Variants in HECW1 observed in about 807,000 individuals in gnomAD.
HECW1 encodes HECT, C2 and WW domain containing E3 ubiquitin protein ligase 1, also known as E3 ubiquitin-protein ligase HECW1.
In HECW1, 61 loss-of-function variants were observed where a neutral mutation model predicts 182.3. The ratio of observed to expected loss-of-function variants is 0.33; its 90% CI spans 0.27 to 0.41. HECW1 has a LOEUF of 0.41. Ranked by LOEUF, HECW1 falls within the 10% of genes least tolerant of loss-of-function variation. The pLI is 1.00. For synonymous variants in HECW1, 859 were observed against 832.6 expected (o/e 1.03, Z -0.55); for missense variants, 1,739 against 2,108.9 (o/e 0.82, Z 3.44).
chr7:43,285,502 G>A (rs934527542), intron 3 of HECW1, among the ~76,000 whole-genome samples: 6 of 152,156 alleles, frequency 3.9e-5, no homozygotes, highest in East Asian at 1.9e-4. Context: ...AGTCGGGAAT[G>A]AGCCCACCCA....
At chr7:43,356,581 C>T (rs1260232469) in intron 5 of HECW1, among the ~76,000 whole-genome samples, 1 of 152,186 alleles carries the variant, frequency 6.6e-6, no homozygotes, top group Admixed American at 6.5e-5. Context: ...TCAACTGCTG[C>T]AGAATACACA....
chr7:43,487,177 A>G (rs889602575), intron 17 of HECW1, among the ~76,000 whole-genome samples: 7 of 152,160 alleles, frequency 4.6e-5, no homozygotes, highest in Admixed American at 2.0e-4. Flanking sequence ...TTGCAGAGAG[A>G]GGGTTAGCTG....
intron 5 of HECW1, among the ~76,000 whole-genome samples, chr7:43,347,222 A>G (rs941405762): frequency 2.6e-5 from 4 of 151,820 alleles, no homozygotes; most frequent in Non-Finnish European, 5.9e-5. Context: ...TTGGTTAGGT[A>G]TATTCCTAAG....
intron 8 of HECW1, among the ~76,000 whole-genome samples, chr7:43,433,217 C>T (rs1041298566): frequency 3.9e-5 from 6 of 152,202 alleles, no homozygotes; most frequent in African/African-American, 1.4e-4. Flanking sequence ...CTTTACAGAT[C>T]ATTGGACTAA....
intron 5 of HECW1, among the ~76,000 whole-genome samples, chr7:43,354,119 T>A (rs1584595332): frequency 6.8e-6 from 1 of 147,646 alleles, no homozygotes. Context: ...TTATTTATAG[T>A]AGGGGAAAAA....
At chr7:43,516,614 A>G (rs1291264073) in intron 24 of HECW1, among the ~76,000 whole-genome samples, 1 of 152,184 alleles carries the variant, frequency 6.6e-6, no homozygotes, top group Non-Finnish European at 1.5e-5. Context: ...GAAATAGGTG[A>G]GTTCCTTCTC....
chr7:43,150,567 T>A (rs1366650186), intron 2 of HECW1, among the ~76,000 whole-genome samples: 8 of 152,132 alleles, frequency 5.3e-5, no homozygotes. Flanking sequence ...TCAGTAAAGA[T>A]GGGGTTTCAC....
intron 17 of HECW1, among the ~76,000 whole-genome samples, chr7:43,481,838 TAGTC>T (rs2078445738): frequency 6.6e-6 from 1 of 151,632 alleles, no homozygotes; most frequent in South Asian, 2.1e-4. Context: ...TACAAAAAAT[TAGTC>T]AGGCATGGTG....
intron 5 of HECW1, among the ~76,000 whole-genome samples, chr7:43,324,435 T>A (rs1810532078): frequency 6.6e-6 from 1 of 152,256 alleles, no homozygotes. Context: ...TTACATGTTA[T>A]GTGAAATAAT....
chr7:43,367,946 T>C (rs1022119656), intron 6 of HECW1, among the ~76,000 whole-genome samples: 4 of 152,204 alleles, frequency 2.6e-5, no homozygotes, highest in African/African-American at 9.6e-5. Flanking sequence ...TTCCACTTCC[T>C]CAGCCCTTCT....
intron 2 of HECW1, among the ~76,000 whole-genome samples, chr7:43,137,706 C>T (rs897741333): frequency 2.6e-5 from 4 of 151,912 alleles, no homozygotes; most frequent in South Asian, 2.1e-4. Context: ...TGTGCCACCA[C>T]GCCCAGCTAA....
rs115420013 is a variant in HECW1 at position 43,561,593 on chromosome 7, T to G, written c.4710-222T>G. On this transcript the variant is annotated intron_variant, in intron 29 of 29. Transcript: ENST00000395891. ...GTCATTCTAGTGTAGTTGGTTTGCT[T>G]GCAAATGCAAACAACCCATTTTTAG... Among the ~76,000 whole-genome samples, 820 of 152,400 alleles carry G rather than the reference T, an allele frequency of 5.4e-3. 7 individuals carry two copies. The highest frequency in any genetic ancestry group is 0.019 in the African/African-American group (785 of 41,600).
At chr7:43,435,095 A>G (rs920447111) in intron 8 of HECW1, among the ~76,000 whole-genome samples, 1 of 151,566 alleles carries the variant, frequency 6.6e-6, no homozygotes, top group Non-Finnish European at 1.5e-5. Context: ...ACACTGCAAA[A>G]CAAGCATTTC....
At chr7:43,156,160 A>C (rs921432453) in intron 2 of HECW1, among the ~76,000 whole-genome samples, 50 of 152,262 alleles carry the variant, frequency 3.3e-4, no homozygotes, top group African/African-American at 1.1e-3. Context: ...AAAGGAAAAC[A>C]AGACAAATAT....
chr7:43,445,368 C>G lies in HECW1; in HGVS notation c.2196C>G (p.Val732=), dbSNP rs781310672. The change falls in exon 11 of 30, where the codon GTC becomes GTG. Residue 732 remains valine (V), a synonymous_variant. Coordinates refer to ENST00000395891, the MANE Select transcript of HECW1 (RefSeq NM_015052.5). ...VDSAKISEST[V]FSSQDDEEEE... ...GCGCCAAGATCTCCGAGAGCACGGTCTTCTCCTCGCAAGACGACGAGGAGG... is the reference window on the plus strand; with the variant it reads ...GCGCCAAGATCTCCGAGAGCACGGTGTTCTCCTCGCAAGACGACGAGGAGG... The G allele has an allele frequency of 6.2e-7, 1 of 1,613,794 alleles. No homozygotes were observed.
chr7:43,253,047 AT>A (rs770443319), intron 3 of HECW1, among the ~76,000 whole-genome samples: 65 of 151,994 alleles, frequency 4.3e-4, no homozygotes, highest in Non-Finnish European at 7.5e-4. Flanking sequence ...CAGTAAAATC[AT>A]CTGTGGAGCT....
intron 2 of HECW1, among the ~76,000 whole-genome samples, chr7:43,177,138 AAC>A (rs1341310259): frequency 1.3e-5 from 2 of 152,162 alleles, no homozygotes; most frequent in Non-Finnish European, 2.9e-5. Context: ...TATGGCATTC[AAC>A]ATATTTGGAA....
chr7:43,520,740 T>C (rs1326483685), intron 24 of HECW1, among the ~76,000 whole-genome samples: 1 of 152,182 alleles, frequency 6.6e-6, no homozygotes, highest in East Asian at 1.9e-4. Context: ...AAGCCTTGCC[T>C]CTGGCAAGGA....
chr7:43,323,624 A>G (rs759458573), intron 5 of HECW1, among the ~76,000 whole-genome samples: 1 of 152,182 alleles, frequency 6.6e-6, no homozygotes, highest in African/African-American at 2.4e-5. Flanking sequence ...ACACAACAAC[A>G]ACGACAAAAA....
Sources: gnomAD v4.1 joint callset for allele counts (sites outside exome capture counted in the v4.1 genomes callset) on GRCh38, gnomAD v4.1.1 for gene constraint, MANE v1.5 for transcripts, NCBI Gene and HGNC (gene_info 2026-07-23, HGNC 2026-07-21) for gene names.